The following ASZ1 variants were observed in gnomAD, a reference collection of about 807,000 sequenced individuals.
ASZ1 encodes ankyrin repeat, SAM and basic leucine zipper domain-containing protein 1.
In ASZ1, 67 loss-of-function variants were observed where a neutral mutation model predicts 61.8. The ratio of observed to expected loss-of-function variants is 1.08; its 90% confidence interval spans 0.89 to 1.33. ASZ1 has a LOEUF of 1.33. ASZ1 is among the 40% of genes most tolerant of loss of function. ASZ1 has a pLI of 0.00. For synonymous variants in ASZ1, 193 were observed against 192.7 expected, an observed-to-expected ratio of 1.00 and a Z score of -0.01; for missense variants, 577 against 554.5, an observed-to-expected ratio of 1.04 and a Z score of -0.41.
chr7:117,425,311 G>T (rs1455960123), intron 2 of ASZ1, among the ~76,000 whole-genome samples: 1 of 131,758 alleles, frequency 7.6e-6, no homozygotes, highest in Admixed American at 9.6e-5. Context: ...TGTCGCCCAG[G>T]CTGGAGTGCA....
At chr7:117,379,418 C>T (rs936111911) in intron 10 of ASZ1, among the ~76,000 whole-genome samples, 1 of 151,156 alleles carries the variant, frequency 6.6e-6, no homozygotes, top group Non-Finnish European at 1.5e-5. Flanking sequence ...TTAATAAAAT[C>T]AAATATTATT....
At chr7:117,383,673 A>T (rs898221940) in intron 6 of ASZ1, among the ~76,000 whole-genome samples, 2 of 152,068 alleles carry the variant, frequency 1.3e-5, no homozygotes, top group African/African-American at 4.8e-5. Flanking sequence ...GTTATATCAC[A>T]TACTCAGCCA....
At chr7:117,403,903 G>A (rs886925782) in intron 4 of ASZ1, among the ~76,000 whole-genome samples, 1 of 152,172 alleles carries the variant, frequency 6.6e-6, no homozygotes, top group Non-Finnish European at 1.5e-5. Flanking sequence ...TCTCATAGGA[G>A]TACGAACCCT....
intron 10 of ASZ1, among the ~76,000 whole-genome samples, chr7:117,370,803 A>ATT (rs1230912882): frequency 2.1e-5 from 2 of 97,542 alleles, no homozygotes; most frequent in African/African-American, 4.7e-5. Flanking sequence ...ACCAAAGGTA[A>ATT]TTGTGTGTGT....
At chr7:117,414,414 G>A (rs1796950811) in intron 4 of ASZ1, among the ~76,000 whole-genome samples, 1 of 152,064 alleles carries the variant, frequency 6.6e-6, no homozygotes, top group Non-Finnish European at 1.5e-5. Context: ...AAGCAGATGA[G>A]AATTACTCCT....
chr7:117,381,151 C>T, intron 8 of ASZ1, 84 bp from the exon 9 acceptor site: 3 of 1,249,734 alleles, frequency 2.4e-6, no homozygotes, highest in East Asian at 2.4e-5. Flanking sequence ...AAGTTAGTTA[C>T]TTGCTTCACT....
chr7:117,380,414 CTTTG>C (rs1796228315), intron 9 of ASZ1, among the ~76,000 whole-genome samples: 2 of 151,642 alleles, frequency 1.3e-5, no homozygotes. Context: ...TAGGCCCTAT[CTTTG>C]TTTGTATTCT....
rs1310013868 is a variant in ASZ1, at chr7:117,384,871, G to A, written c.553-11C>T. 6.4e-7 allele frequency: 1 copy of A among 1,553,380 alleles called. No individual in the cohort carries two copies. Among genetic ancestry groups the A allele is most frequent in the East Asian group, 2.4e-5 (1 of 42,390 alleles). ...TGCCCACGTTAAAGCCTGTAAGTAG[G>A]GGGAAAAGAAGATTGTTTAAAGAGA... On this transcript the variant is annotated splice_polypyrimidine_tract_variant and intron_variant, in intron 5 of 12. Transcript: ENST00000284629.
At chr7:117,425,756 G>A (rs1182939676) in intron 2 of ASZ1, among the ~76,000 whole-genome samples, 1 of 151,906 alleles carries the variant, frequency 6.6e-6, no homozygotes, top group East Asian at 1.9e-4. Flanking sequence ...TTGGGAGGCC[G>A]AGGTGGGTGA....
At chr7:117,418,990 C>A (rs1797050643) in intron 4 of ASZ1, among the ~76,000 whole-genome samples, 1 of 152,114 alleles carries the variant, frequency 6.6e-6, no homozygotes, top group Non-Finnish European at 1.5e-5. Context: ...CAGGTAGTTT[C>A]TCTGCCAGTT....
intron 4 of ASZ1, among the ~76,000 whole-genome samples, chr7:117,386,697 T>C (rs898334280): frequency 1.3e-5 from 2 of 152,190 alleles, no homozygotes; most frequent in African/African-American, 4.8e-5. Flanking sequence ...AAAGTTTTTA[T>C]TGGTTATTCA....
rs745916105 is a variant in ASZ1, at chr7:117,368,696, A to G, written c.1077T>C (p.Phe359=). The change falls in exon 11 of 13, where the codon TTT becomes TTC. Residue 359 remains phenylalanine (F), a synonymous_variant. Transcript: ENST00000284629. ...CACACTGTTTATTTAATTTGAGAAGAAAGTTGAGGAACTCATCACCACTAA... is the reference window on the plus strand; with the variant it reads ...CACACTGTTTATTTAATTTGAGAAGGAAGTTGAGGAACTCATCACCACTAA... The part of the protein sequence containing the change: ...LEISGDEFLN[F]LLKLNKQCGH... 3.1e-6 allele frequency: 5 copies of G among 1,612,810 alleles called. No homozygotes were observed. In the South Asian group the frequency reaches 4.4e-5, roughly 14 times the overall value.
At chr7:117,402,555 T>G (rs1796700001) in intron 4 of ASZ1, among the ~76,000 whole-genome samples, 1 of 152,116 alleles carries the variant, frequency 6.6e-6, no homozygotes, top group African/African-American at 2.4e-5. Context: ...GTACTAGAGT[T>G]TCCAGAATTT....
chr7:117,393,200 T>A (rs1331372645), intron 4 of ASZ1, among the ~76,000 whole-genome samples: 1 of 152,114 alleles, frequency 6.6e-6, no homozygotes, highest in Non-Finnish European at 1.5e-5. Flanking sequence ...GTCTACAACA[T>A]AACTTCTGTT....
Position 117,385,839 on chromosome 7 carries a change from T to G in ASZ1, c.441-30A>C, listed in dbSNP as rs759141245. ...GGAGGAGGAAGAAAGGAAACATTTG[T>G]GTTAATGCTGCCATTAATCTCTCAT... On this transcript the variant is annotated intron_variant, in intron 4 of 12. Coordinates refer to ENST00000284629, the MANE Select transcript of ASZ1 (RefSeq NM_130768.3). 8.0e-6 allele frequency: 12 copies of G among 1,503,770 alleles called. 1 individual carries two copies. Among genetic ancestry groups the G allele is most frequent in the South Asian group, 7.9e-5 (7 of 88,118 alleles). The allele number at this position is 1,503,770 out of a possible 1,614,324, so 93.2% of individuals were successfully genotyped here.
At chr7:117,398,158 T>G (rs946637041) in intron 4 of ASZ1, among the ~76,000 whole-genome samples, 4 of 152,254 alleles carry the variant, frequency 2.6e-5, no homozygotes, top group Non-Finnish European at 5.9e-5. Flanking sequence ...ACTCCTATCC[T>G]ATGGAGTGCT....
intron 4 of ASZ1, among the ~76,000 whole-genome samples, chr7:117,397,347 A>G (rs1430210329): frequency 6.6e-6 from 1 of 152,230 alleles, no homozygotes; most frequent in African/African-American, 2.4e-5. Context: ...CAGCAAAACT[A>G]CAAAGTACAC....
At chr7:117,385,846 G>T in intron 4 of ASZ1, 37 bp from the exon 5 acceptor site, 1 of 1,474,652 alleles carries the variant, frequency 6.8e-7, no homozygotes, top group Non-Finnish European at 9.5e-7. Context: ...TTGTGTTAAT[G>T]CTGCCATTAA....
intron 10 of ASZ1, among the ~76,000 whole-genome samples, chr7:117,372,993 T>C (rs1027208088): frequency 6.6e-6 from 1 of 152,162 alleles, no homozygotes; most frequent in African/African-American, 2.4e-5. Flanking sequence ...TTAGAATGTT[T>C]ATAAATAACA....
Sources: gnomAD v4.1 joint callset for allele counts (sites outside exome capture counted in the v4.1 genomes callset) on GRCh38, gnomAD v4.1.1 for gene constraint, MANE v1.5 for transcripts, NCBI Gene and HGNC (gene_info 2026-07-23, HGNC 2026-07-21) for gene names.